The following HERC1 variants were observed in gnomAD, a reference collection of about 807,000 sequenced individuals.
The protein encoded by HERC1 is HECT and RLD domain containing E3 ubiquitin protein ligase family member 1.
Under a neutral mutation model 554.3 loss-of-function variants are expected in HERC1, and 160 were observed. The observed-to-expected ratio is 0.29, with a 90% CI of 0.25 to 0.33. The LOEUF (loss-of-function observed/expected upper bound fraction) is 0.33. Ranked by LOEUF, HERC1 falls within the 10% of genes least tolerant of loss-of-function variation. HERC1 has a pLI of 1.00. For synonymous variants in HERC1, 2,175 were observed against 2,131.7 expected (o/e 1.02, Z -0.56); for missense variants, 4,919 against 5,918.5 (o/e 0.83, Z 5.54).
rs1380021414 is a variant in HERC1, at chr15:63,638,504, G to A, written c.12000C>T (p.Tyr4000=). The A allele has an allele frequency of 1.9e-6, 3 of 1,613,714 alleles. No individual in the cohort carries two copies. The highest frequency in any genetic ancestry group is 1.3e-5 in the African/African-American group (1 of 74,902). The change falls in exon 63 of 78, where the codon TAC becomes TAT. Residue 4000 remains tyrosine (Y), a synonymous_variant. Transcript: ENST00000443617. ...GTCCATGCCTACCAGCACCCCATAA[G>A]TAGACATCACATTTACCTCCCAGGT... is the stretch of plus-strand genomic sequence containing the variant. The part of the protein sequence containing the change: ...DWHLGGKCDV[Y]LWGAGRHGQL...
chr15:63,634,613 C>A, intron 66 of HERC1, 120 bp downstream of exon 66: 3 of 693,104 alleles, frequency 4.3e-6, no homozygotes, highest in Non-Finnish European at 4.6e-6. Context: ...TAGACCATAG[C>A]AAAATGTACA....
chr15:63,686,509 ATCT>A lies in HERC1; in HGVS notation c.6072_6074del (p.Glu2024del), dbSNP rs779870065. 5.1e-5 allele frequency: 82 copies of A among 1,612,186 alleles called. No homozygotes were observed. The highest frequency in any genetic ancestry group is 6.3e-5 in the Non-Finnish European group (74 of 1,178,940). On this transcript the variant is annotated inframe_deletion, in exon 34 of 78. Transcript: ENST00000443617. ...ATACTTCTTGGATAGGAAGATTCTC[ATCT>A]TCTTCTTCCAACTCGCCCTGCTTCT...
At chr15:63,750,732 T>C (rs1014166661) in intron 8 of HERC1, among the ~76,000 whole-genome samples, 19 of 152,070 alleles carry the variant, frequency 1.2e-4, no homozygotes, top group Non-Finnish European at 2.4e-4. Context: ...AGGAGTTCAA[T>C]ACCAGCCTGG....
At chr15:63,702,317 AC>A (rs1261298756) in intron 25 of HERC1, among the ~76,000 whole-genome samples, 1 of 152,194 alleles carries the variant, frequency 6.6e-6, no homozygotes, top group Non-Finnish European at 1.5e-5. Flanking sequence ...ATAGCATTTC[AC>A]CCATACATGT....
At chr15:63,663,327 A>G in intron 43 of HERC1, 123 bp from the exon 44 acceptor site, 1 of 758,782 alleles carries the variant, frequency 1.3e-6, no homozygotes. Context: ...TGGATCTCAG[A>G]CCATAAAACA....
chr15:63,823,205 C>A lies in HERC1; in HGVS notation c.-27+10622G>T, dbSNP rs565221616. The stretch of plus-strand genomic sequence containing the variant: ...GTGACTGTTGCTCCCCTCTGTGTGT[C>A]CATGTTTTCTCATCATTTAGCTCCC... On this transcript the variant is annotated intron_variant, in intron 1 of 77. Coordinates refer to ENST00000443617, the MANE Select transcript of HERC1 (RefSeq NM_003922.4). Among the ~76,000 whole-genome samples the A allele has an allele frequency of 2.0e-5, 3 of 152,216 alleles. No individual in the cohort carries two copies. The South Asian group carries it at 6.2e-4, about 32-fold the overall frequency.
At chr15:63,799,598 T>A (rs1418523571) in intron 1 of HERC1, among the ~76,000 whole-genome samples, 1 of 152,188 alleles carries the variant, frequency 6.6e-6, no homozygotes, top group Non-Finnish European at 1.5e-5. Flanking sequence ...AAGAAAATTA[T>A]GATCTCCATG....
chr15:63,678,205 A>AT lies in HERC1; in HGVS notation c.6709dup (p.Met2237AsnfsTer9). On this transcript the variant is annotated frameshift_variant, in exon 37 of 78. Coordinates refer to ENST00000443617, the MANE Select transcript of HERC1 (RefSeq NM_003922.4). LOFTEE classifies it high-confidence loss of function. ...CTTAATTTTGTGAAGCCTTTCCATCATTTTTTTGTTAATGCAGTAAGTCCA... is the reference window on the plus strand; with the variant it reads ...CTTAATTTTGTGAAGCCTTTCCATCATTTTTTTTGTTAATGCAGTAAGTCCA... 6.2e-7 allele frequency: 1 copy of AT among 1,613,606 alleles called. No homozygotes were observed. The highest frequency in any genetic ancestry group is 8.5e-7 in the Non-Finnish European group (1 of 1,179,814).
Position 63,663,291 on chromosome 15 carries a change from G to A in HERC1, c.8681-87C>T, listed in dbSNP as rs2070448504. 6.6e-6 allele frequency: 7 copies of A among 1,059,542 alleles called. No individual in the cohort carries two copies. The Admixed American group carries it at 1.2e-4, about 18-fold the overall frequency. 65.6% of individuals were successfully genotyped at this position (1,059,542 alleles called of 1,614,324 possible). On this transcript the variant is annotated intron_variant, in intron 43 of 77. Coordinates refer to ENST00000443617, the MANE Select transcript of HERC1 (RefSeq NM_003922.4). The stretch of plus-strand genomic sequence containing the variant: ...CAGTTCTTAACTGCCATACATGTAG[G>A]TGAGAACCTATCTCAGTTGTCTTAT...
At chr15:63,610,200 G>A (rs2067525898) in intron 77 of HERC1, among the ~76,000 whole-genome samples, 1 of 151,772 alleles carries the variant, frequency 6.6e-6, no homozygotes, top group Non-Finnish European at 1.5e-5. Flanking sequence ...CCTCCCCAGA[G>A]CCCACACCTA....
chr15:63,679,067 T>C (rs2071345325), intron 36 of HERC1, among the ~76,000 whole-genome samples: 1 of 152,214 alleles, frequency 6.6e-6, no homozygotes, highest in African/African-American at 2.4e-5. Flanking sequence ...CTAAAATTTA[T>C]CAAAAATGCC....
In HERC1 at chr15:63,649,130, G is replaced by C. The variant is rs573347933; in HGVS notation, c.10747+595C>G. ...AGGACTTTGGGAGGCCAAGGTGGGCGGATCACAAGGTGAGGAGATCGAGAC... is the reference window on the plus strand; with the variant it reads ...AGGACTTTGGGAGGCCAAGGTGGGCCGATCACAAGGTGAGGAGATCGAGAC... On this transcript the variant is annotated intron_variant, in intron 54 of 77. Transcript: ENST00000443617. Among the ~76,000 whole-genome samples the C allele has an allele frequency of 2.6e-5, 4 of 152,150 alleles. No homozygotes were observed. The South Asian group carries it at 8.3e-4, about 32-fold the overall frequency.
intron 3 of HERC1, among the ~76,000 whole-genome samples, chr15:63,759,398 C>T (rs2075534990): frequency 6.6e-6 from 1 of 152,166 alleles, no homozygotes; most frequent in African/African-American, 2.4e-5. Context: ...CTTTTTAAAA[C>T]ACCAGGCTGC....
Position 63,678,034 on chromosome 15 carries a change from A to T in HERC1, c.6881T>A (p.Leu2294Gln). 2 of 1,614,024 alleles carry T rather than the reference A, an allele frequency of 1.2e-6. No individual in the cohort carries two copies. The highest frequency in any genetic ancestry group is 1.7e-6 in the Non-Finnish European group (2 of 1,179,898). Residue 2294 changes from leucine to glutamine, a missense_variant, in exon 37 of 78, where the codon CTG becomes CAG. This residue lies in a region of HERC1 where 1,963 missense variants were observed against 2,228.6 expected (regional missense o/e 0.88). Coordinates refer to ENST00000443617, the MANE Select transcript of HERC1 (RefSeq NM_003922.4). ...CTCTATGCAAAGAGTCCTCAGCTGCAGCTCTGAGAGGTCAGCGAGGCCATG... is the reference window on the plus strand; with the variant it reads ...CTCTATGCAAAGAGTCCTCAGCTGCTGCTCTGAGAGGTCAGCGAGGCCATG... The part of the protein sequence containing the change: ...TRHGLADLSE[L>Q]QLRTLCIEVW...
intron 68 of HERC1, among the ~76,000 whole-genome samples, chr15:63,631,414 A>G (rs1278380821): frequency 6.6e-6 from 1 of 152,088 alleles, no homozygotes; most frequent in African/African-American, 2.4e-5. Context: ...AGCCCATGGG[A>G]ACATCATGCA....
intron 47 of HERC1, among the ~76,000 whole-genome samples, chr15:63,659,236 CA>C (rs143095483): frequency 0.021 from 3,185 of 150,846 alleles, 81 homozygotes; most frequent in South Asian, 0.067. Context: ...TCATGAAAGA[CA>C]AAAAAAAATC....
At chr15:63,640,085 C>G in intron 61 of HERC1, 67 bp downstream of exon 61, 2 of 1,448,766 alleles carry the variant, frequency 1.4e-6, no homozygotes, top group South Asian at 1.2e-5. Context: ...TATTAGGGGT[C>G]TGCTACATGC....
At chr15:63,678,510 T>C (rs2152991474) in intron 36 of HERC1, 145 bp from the exon 37 acceptor site, 3 of 939,960 alleles carry the variant, frequency 3.2e-6, no homozygotes, top group East Asian at 2.7e-5. Flanking sequence ...CCCCAAAGAG[T>C]AAGGAAATGT....
chr15:63,672,159 A>C (rs1256154993), intron 39 of HERC1, among the ~76,000 whole-genome samples: 1 of 152,184 alleles, frequency 6.6e-6, no homozygotes, highest in Non-Finnish European at 1.5e-5. Context: ...GAATATTCCA[A>C]ATAAAAGTAT....
Sources: allele counts gnomAD v4.1 joint callset (sites outside exome capture counted in the v4.1 genomes callset), GRCh38; gene constraint gnomAD v4.1.1; regional missense constraint gnomAD v4.1.1; transcripts MANE v1.5; gene names NCBI Gene and HGNC (gene_info 2026-07-23, HGNC 2026-07-21).